FAM135A: variants seen among roughly 807,000 people sequenced by gnomAD.
FAM135A encodes the protein family with sequence similarity 135 member A, also known as protein FAM135A.
A neutral mutation model predicts 146.8 loss-of-function variants in FAM135A; 79 were observed. The observed-to-expected ratio is 0.54, with a 90% CI of 0.45 to 0.65. The LOEUF is 0.65. Among genes scored for constraint, FAM135A ranks in the 30% least tolerant of loss-of-function variants. FAM135A has a pLI of 0.00. For synonymous variants in FAM135A, 562 were observed against 603.6 expected (o/e 0.93, Z 1.01); for missense variants, 1,623 against 1,758.2 (o/e 0.92, Z 1.38).
At chr6:70,521,999 C>G (rs1232204192) in intron 12 of FAM135A, among the ~76,000 whole-genome samples, 9 of 152,134 alleles carry the variant, frequency 5.9e-5, no homozygotes, top group Non-Finnish European at 1.2e-4. Context: ...TCACTGCAAC[C>G]CCTGCCTCCT....
chr6:70,532,371 C>A (rs957449720), intron 16 of FAM135A, among the ~76,000 whole-genome samples: 1 of 148,904 alleles, frequency 6.7e-6, no homozygotes, highest in Non-Finnish European at 1.5e-5. Context: ...TGTGTAGATG[C>A]CTTTTGAGTT....
At chr6:70,440,481 G>C (rs1774211701) in intron 4 of FAM135A, among the ~76,000 whole-genome samples, 1 of 152,138 alleles carries the variant, frequency 6.6e-6, no homozygotes, top group Non-Finnish European at 1.5e-5. Context: ...GAGGTCAGGA[G>C]TTCAAGACCA....
chr6:70,450,195 T>C (rs748391712), intron 4 of FAM135A, among the ~76,000 whole-genome samples: 2 of 151,680 alleles, frequency 1.3e-5, no homozygotes, highest in African/African-American at 4.8e-5. Context: ...ATATTTAAAC[T>C]TTTTTTTTCC....
chr6:70,448,131 G>A (rs149935967), intron 4 of FAM135A, among the ~76,000 whole-genome samples: 10 of 152,200 alleles, frequency 6.6e-5, no homozygotes, highest in East Asian at 3.9e-4. Context: ...TATTCAAGGC[G>A]CTGCTTGAAC....
intron 10 of FAM135A, among the ~76,000 whole-genome samples, chr6:70,489,906 G>C (rs1211859408): frequency 2.0e-5 from 3 of 152,126 alleles, no homozygotes; most frequent in Non-Finnish European, 2.9e-5. Context: ...CACAAGGCCA[G>C]GTATAACCAA....
At chr6:70,446,176 G>A (rs910531033) in intron 4 of FAM135A, among the ~76,000 whole-genome samples, 4 of 152,278 alleles carry the variant, frequency 2.6e-5, no homozygotes, top group South Asian at 2.1e-4. Context: ...CAAGTTTGTG[G>A]AGTGTCCTTC....
intron 20 of FAM135A, among the ~76,000 whole-genome samples, chr6:70,546,107 T>C (rs1798824942): frequency 6.6e-6 from 1 of 152,132 alleles, no homozygotes; most frequent in Admixed American, 6.6e-5. Flanking sequence ...AGTCCATCCC[T>C]AGAAAGTTGC....
chr6:70,483,518 C>CCA (rs1261273486), intron 10 of FAM135A, among the ~76,000 whole-genome samples: 2 of 152,074 alleles, frequency 1.3e-5, no homozygotes, highest in African/African-American at 4.8e-5. Context: ...CTATAGAAGG[C>CCA]CACTACCTCA....
chr6:70,417,683 C>T (rs1388653919), intron 2 of FAM135A: 2 of 929,518 alleles, frequency 2.2e-6, no homozygotes, highest in Admixed American at 6.2e-5. Flanking sequence ...ATGACACTTG[C>T]TCTTTGATGT....
At chr6:70,476,081 G>A (rs1042014559) in intron 7 of FAM135A, among the ~76,000 whole-genome samples, 1 of 152,146 alleles carries the variant, frequency 6.6e-6, no homozygotes, top group Non-Finnish European at 1.5e-5. Context: ...CATCAGTTAT[G>A]CTTTCTTTAG....
At chr6:70,465,761 A>G (rs1400914970) in intron 5 of FAM135A, among the ~76,000 whole-genome samples, 1 of 152,146 alleles carries the variant, frequency 6.6e-6, no homozygotes, top group Non-Finnish European at 1.5e-5. Context: ...GTTTTCACCA[A>G]CAGTACACAA....
chr6:70,444,938 C>G (rs1292834002), intron 4 of FAM135A, among the ~76,000 whole-genome samples: 1 of 152,154 alleles, frequency 6.6e-6, no homozygotes, highest in African/African-American at 2.4e-5. Context: ...AAGTATTTTA[C>G]TTTTTCTGTT....
intron 11 of FAM135A, among the ~76,000 whole-genome samples, chr6:70,502,196 T>A (rs1228040634): frequency 1.3e-5 from 2 of 152,080 alleles, no homozygotes; most frequent in African/African-American, 4.8e-5. Flanking sequence ...TTCTAAGGAG[T>A]CATAGATATT....
intron 4 of FAM135A, among the ~76,000 whole-genome samples, chr6:70,443,005 A>G (rs78364943): frequency 0.019 from 2,956 of 152,308 alleles, 123 homozygotes; most frequent in East Asian, 0.18. Context: ...TAATACTACA[A>G]TCTGCATATA....
chr6:70,422,071 A>G (rs1398250839), intron 2 of FAM135A, among the ~76,000 whole-genome samples: 1 of 152,212 alleles, frequency 6.6e-6, no homozygotes, highest in Non-Finnish European at 1.5e-5. Context: ...CGCCCACAGA[A>G]TGAATTTGCT....
At position 70,480,996 on chromosome 6, in the gene FAM135A, G is replaced by C; in HGVS notation, c.638G>C (p.Gly213Ala). 3 of 1,611,138 alleles carry C rather than the reference G, an allele frequency of 1.9e-6. No individual in the cohort carries two copies. Among genetic ancestry groups the C allele is most frequent in the African/African-American group, 1.3e-5 (1 of 74,824 alleles). ...CCTACTCTTGAAAGTGTGGTCTTTG[G>C]TATTAACTACACAAAACAGTTATCA... The part of the protein sequence containing the change: ...VIPTLESVVF[G>A]INYTKQLSPD... Residue 213 changes from glycine to alanine, a missense_variant, in exon 9 of 22, where the codon GGT becomes GCT. This residue lies in a region of FAM135A where 206 missense variants were observed against 194.7 expected (regional missense o/e 1.06). Transcript: ENST00000418814.
At chr6:70,498,575 C>A (rs527597935) in intron 11 of FAM135A, among the ~76,000 whole-genome samples, 4 of 152,110 alleles carry the variant, frequency 2.6e-5, no homozygotes, top group Non-Finnish European at 5.9e-5. Context: ...GTTACAGTGT[C>A]CATTTTAGAT....
At chr6:70,472,089 G>A (rs1002696361) in intron 5 of FAM135A, among the ~76,000 whole-genome samples, 4 of 152,142 alleles carry the variant, frequency 2.6e-5, no homozygotes, top group Non-Finnish European at 2.9e-5. Context: ...TTTTAGGGAG[G>A]AGAGACAAAG....
chr6:70,469,736 AAAG>A (rs1449408690), intron 5 of FAM135A, among the ~76,000 whole-genome samples: 2 of 152,198 alleles, frequency 1.3e-5, no homozygotes, highest in Non-Finnish European at 2.9e-5. Flanking sequence ...CCTGCAAAAA[AAAG>A]AGACGAAAAA....
Sources: allele counts gnomAD v4.1 joint callset (sites outside exome capture counted in the v4.1 genomes callset), GRCh38; gene constraint gnomAD v4.1.1; regional missense constraint gnomAD v4.1.1; transcripts MANE v1.5; gene names NCBI Gene and HGNC (gene_info 2026-07-23, HGNC 2026-07-21).